The following RECQL5 variants were observed in gnomAD, a reference collection of about 807,000 sequenced individuals.
RECQL5 encodes the protein RecQ like helicase 5.
In RECQL5, 88 loss-of-function variants were observed where a neutral mutation model predicts 103.4. The ratio of observed to expected loss-of-function variants is 0.85; its 90% CI spans 0.72 to 1.02. The LOEUF is 1.02. Among genes scored for constraint, RECQL5 ranks in the 50% least tolerant of loss-of-function variants. The pLI is 0.00. For missense variants in RECQL5, 1,232 were observed against 1,284.3 expected (o/e 0.96, Z 0.62); for synonymous variants, 552 against 507.9 (o/e 1.09, Z -1.17).
rs539027541 is a variant in RECQL5 at position 75,659,211 on chromosome 17, G to A, written c.987-751C>T. On this transcript the variant is annotated intron_variant, in intron 6 of 19. Transcript: ENST00000317905. Reference sequence around the variant, plus strand: ...TGAGTAGCTGGGACTACAGGTGGGCGCCACCATGCCCAGCTAATTTTTGTA... The same window carrying A: ...TGAGTAGCTGGGACTACAGGTGGGCACCACCATGCCCAGCTAATTTTTGTA... Among the ~76,000 whole-genome samples the A allele has an allele frequency of 1.0e-3, 153 of 152,136 alleles. 1 individual carries two copies. The highest frequency in any genetic ancestry group is 3.5e-3 in the African/African-American group (147 of 41,500).
At chr17:75,651,506 C>T (rs189516820) in intron 7 of RECQL5, among the ~76,000 whole-genome samples, 13 of 152,250 alleles carry the variant, frequency 8.5e-5, no homozygotes, top group African/African-American at 3.1e-4. Context: ...TGCCTGTAGT[C>T]CCAGCTACTT....
Position 75,630,589 on chromosome 17 carries a change from G to T in RECQL5, c.1718+30C>A, listed in dbSNP as rs1481402497. ...CTCCAAGGGAACGAGAGCTTGGAGTGCTCCTCAGCCCAGTGATCGTGGAAC... is the reference window on the plus strand; with the variant it reads ...CTCCAAGGGAACGAGAGCTTGGAGTTCTCCTCAGCCCAGTGATCGTGGAAC... On this transcript the variant is annotated intron_variant, in intron 13 of 19. Coordinates refer to ENST00000317905, the MANE Select transcript of RECQL5 (RefSeq NM_004259.7). The T allele has an allele frequency of 3.1e-6, 5 of 1,609,540 alleles. No individual in the cohort carries two copies. The African/African-American group carries it at 5.3e-5, about 17-fold the overall frequency.
rs750060442 is a variant in RECQL5 at position 75,631,255 on chromosome 17, G to C, written c.1449-6C>G. On this transcript the variant is annotated splice_region_variant and splice_polypyrimidine_tract_variant and intron_variant, in intron 9 of 19. Coordinates refer to ENST00000317905, the MANE Select transcript of RECQL5 (RefSeq NM_004259.7). Reference sequence around the variant, plus strand: ...CTCCAGAACCTTCGTCATACCTAGGGACAGGCCAGGCGTGAGTGGCCCTGG... The same window carrying C: ...CTCCAGAACCTTCGTCATACCTAGGCACAGGCCAGGCGTGAGTGGCCCTGG... 110 of 1,613,370 alleles carry C rather than the reference G, an allele frequency of 6.8e-5. No homozygotes were observed. The highest frequency in any genetic ancestry group is 8.6e-5 in the Non-Finnish European group (102 of 1,179,798).
At chr17:75,630,064 G>A (rs2059177804) in intron 14 of RECQL5, 120 bp downstream of exon 14, 1 of 939,486 alleles carries the variant, frequency 1.1e-6, no homozygotes, top group Non-Finnish European at 1.6e-6. Flanking sequence ...ACTGTCTCTG[G>A]GGTGGGCTGG....
At chr17:75,658,277 C>T (rs965298626) in intron 7 of RECQL5, 21 bp downstream of exon 7, 48 of 1,608,666 alleles carry the variant, frequency 3.0e-5, no homozygotes, top group Non-Finnish European at 4.0e-5. Flanking sequence ...ACTGAAAGAC[C>T]TTCTACTGCC....
rs1338507177 is a variant in RECQL5, at chr17:75,627,137, C to G, written c.*285G>C. On this transcript the variant is annotated 3_prime_UTR_variant, in exon 20 of 20. Coordinates refer to ENST00000317905, the MANE Select transcript of RECQL5 (RefSeq NM_004259.7). ...CCACTCTTCCTTCCCCTTCTTCCAG[C>G]AGCAGCTCCACCACCCTCCACCTTC... 2 of 552,466 alleles carry G rather than the reference C, an allele frequency of 3.6e-6. No homozygotes were observed. The highest frequency in any genetic ancestry group is 1.9e-5 in the African/African-American group (1 of 53,472). The allele number at this position is 552,466 out of a possible 1,614,324, so 34.2% of individuals were successfully genotyped here. A position where few individuals can be genotyped will look rare whatever the true frequency, so the allele number is the denominator to read the frequency against.
At chr17:75,630,588 T>C (rs2059188720) in intron 13 of RECQL5, 31 bp downstream of exon 13, 1 of 1,609,934 alleles carries the variant, frequency 6.2e-7, no homozygotes, top group Non-Finnish European at 8.5e-7. Context: ...GAGCTTGGAG[T>C]GCTCCTCAGC....
intron 6 of RECQL5, among the ~76,000 whole-genome samples, chr17:75,660,049 TTG>T (rs1164860763): frequency 6.6e-6 from 1 of 152,032 alleles, no homozygotes; most frequent in Non-Finnish European, 1.5e-5. Context: ...GGAATACATA[TTG>T]TGTTTTGGTT....
intron 8 of RECQL5, among the ~76,000 whole-genome samples, chr17:75,646,989 G>A (rs1414702439): frequency 1.3e-5 from 2 of 152,190 alleles, no homozygotes; most frequent in African/African-American, 4.8e-5. Context: ...GGCAGTTGGG[G>A]CAGGAAAAAC....
At chr17:75,664,003 G>A (rs1284929904) in intron 3 of RECQL5, among the ~76,000 whole-genome samples, 3 of 136,780 alleles carry the variant, frequency 2.2e-5, no homozygotes, top group Non-Finnish European at 3.0e-5. Flanking sequence ...GCGGTGAGCC[G>A]AGAACACGCC....
rs1175480916 is a variant in RECQL5, at chr17:75,626,878, A to G, written c.*544T>C. 3 of 376,948 alleles carry G rather than the reference A, an allele frequency of 8.0e-6. No homozygotes were observed. The highest frequency in any genetic ancestry group is 1.5e-5 in the Non-Finnish European group (3 of 198,188). 23.4% of individuals were successfully genotyped at this position (376,948 alleles called of 1,614,324 possible). On this transcript the variant is annotated 3_prime_UTR_variant, in exon 20 of 20. Transcript: ENST00000317905. ...CTGTGTGCACGCCTGCATGCCCCAC[A>G]ACAACACAACTTTATTCCTCTCCCA...
chr17:75,628,482 T>C, intron 17 of RECQL5, 40 bp from the exon 18 acceptor site: 1 of 1,597,320 alleles, frequency 6.3e-7, no homozygotes, highest in Non-Finnish European at 8.6e-7. Context: ...CTGAGCTCCC[T>C]TCCACTGGCC....
At position 75,650,757 on chromosome 17, in the gene RECQL5, A is replaced by C. The variant is rs770063736; in HGVS notation, c.1229+429T>G. On this transcript the variant is annotated intron_variant, in intron 8 of 19. Coordinates refer to ENST00000317905, the MANE Select transcript of RECQL5 (RefSeq NM_004259.7). ...TAAAACAGATGCGTGAGTTCAAAGC[A>C]CATGACTCCCCGAGGTAAGTGGGGC... The C allele has an allele frequency of 1.2e-5, 19 of 1,599,574 alleles. No individual in the cohort carries two copies. In the East Asian group the frequency reaches 4.4e-4, roughly 37 times the overall value.
At position 75,662,678 on chromosome 17, in the gene RECQL5, A is replaced by C. The variant is rs1347030663; in HGVS notation, c.572T>G (p.Leu191Arg). ...GACCTGTGGGGTGGCTGTGGCGGTC[A>C]GAGCCACACAAGGGGCATGTCCCAG... ...SRLGHAPCVALTATATPQVQE... is the reference protein window; with the variant it reads ...SRLGHAPCVARTATATPQVQE... The change falls in exon 4 of 20, where the codon CTG (leucine) becomes CGG (arginine). Residue 191 changes from leucine to arginine, a missense_variant. Transcript: ENST00000317905. 6.2e-7 allele frequency: 1 copy of C among 1,614,154 alleles called. No individual in the cohort carries two copies. The highest frequency in any genetic ancestry group is 8.5e-7 in the Non-Finnish European group (1 of 1,180,042).
In RECQL5 at chr17:75,640,185, C is replaced by A; in HGVS notation, c.1230-8517G>T. The A allele has an allele frequency of 6.5e-7, 1 of 1,539,200 alleles. No homozygotes were observed. Among genetic ancestry groups the A allele is most frequent in the Non-Finnish European group, 8.8e-7 (1 of 1,142,310 alleles). On this transcript the variant is annotated intron_variant, in intron 8 of 19. Coordinates refer to ENST00000317905, the MANE Select transcript of RECQL5 (RefSeq NM_004259.7). This position sits in a 1 kb window ranked among gnomAD's most constrained non-coding sequence, Gnocchi z 4.6. The stretch of plus-strand genomic sequence containing the variant: ...CAGCAGAGCCCGGCAGGAGCCCCAA[C>A]AGGAAGCCAGCGCGGCATGGCTGCC...
At chr17:75,650,558 T>C in intron 8 of RECQL5, 2 of 1,538,290 alleles carry the variant, frequency 1.3e-6, no homozygotes, top group Non-Finnish European at 1.8e-6. Flanking sequence ...TCCGACAGGA[T>C]CATTCCATGA....
intron 17 of RECQL5, 95 bp downstream of exon 17, chr17:75,628,577 G>A: frequency 6.6e-7 from 1 of 1,505,458 alleles, no homozygotes; most frequent in Non-Finnish European, 8.9e-7. Flanking sequence ...TGGAAAGAAA[G>A]CTGATTTTCC....
chr17:75,657,747 T>TAA (rs35049816), intron 7 of RECQL5, among the ~76,000 whole-genome samples: 14 of 112,188 alleles, frequency 1.2e-4, no homozygotes, highest in East Asian at 2.5e-4. Context: ...CCTTGTCTCT[T>TAA]AAAAAAAAAA....
At chr17:75,634,571 T>C (rs1365708413) in intron 8 of RECQL5, among the ~76,000 whole-genome samples, 1 of 152,178 alleles carries the variant, frequency 6.6e-6, no homozygotes, top group East Asian at 1.9e-4. Flanking sequence ...CTGCTGAGCC[T>C]CCCTTTTTCC....
Sources: gnomAD v4.1 joint callset for allele counts (sites outside exome capture counted in the v4.1 genomes callset) on GRCh38, gnomAD v4.1.1 for gene constraint, Gnocchi (gnomAD v3.1) non-coding constraint, MANE v1.5 for transcripts, NCBI Gene and HGNC (gene_info 2026-07-23, HGNC 2026-07-21) for gene names.